KCNQ3: variants seen among roughly 807,000 people sequenced by gnomAD.
The protein encoded by KCNQ3 is potassium voltage-gated channel subfamily Q member 3, also known as potassium voltage-gated channel subfamily KQT member 3.
A neutral mutation model predicts 92.5 loss-of-function variants in KCNQ3; 30 were observed. That is an observed-to-expected ratio of 0.32 (90% confidence interval 0.24 to 0.44). The LOEUF is 0.44. Among genes scored for constraint, KCNQ3 ranks in the 20% least tolerant of loss-of-function variants. KCNQ3 has a pLI of 1.00. For synonymous variants in KCNQ3, 450 were observed against 468.8 expected (o/e 0.96, Z 0.52); for missense variants, 913 against 1,140.3 (o/e 0.80, Z 2.87).
rs1234989223 is a variant in KCNQ3, at chr8:132,465,064, GTTTCC to G, written c.386+15078_386+15082del. On this transcript the variant is annotated intron_variant, in intron 1 of 14. Coordinates refer to ENST00000388996, the MANE Select transcript of KCNQ3 (RefSeq NM_004519.4). Reference sequence around the variant, plus strand: ...AGGAATTTAAAAAAGAAATCTCAACGTTTCCTTTCGTGTTCCAGAACTGTGAAGGG... The same window carrying G: ...AGGAATTTAAAAAAGAAATCTCAACGTTTCGTGTTCCAGAACTGTGAAGGG... Among the ~76,000 whole-genome samples, 8 of 152,236 alleles carry G rather than the reference GTTTCC, an allele frequency of 5.3e-5. 1 individual carries two copies. The highest frequency in any genetic ancestry group is 1.9e-4 in the African/African-American group (8 of 41,534).
intron 5 of KCNQ3, among the ~76,000 whole-genome samples, chr8:132,175,102 G>A (rs551553760): frequency 6.6e-6 from 1 of 152,334 alleles, no homozygotes; most frequent in African/African-American, 2.4e-5. Context: ...GTAGGGTTGT[G>A]CACACACAGG....
intron 9 of KCNQ3, among the ~76,000 whole-genome samples, chr8:132,143,993 A>G (rs528804667): frequency 4.6e-5 from 7 of 152,378 alleles, no homozygotes; most frequent in Admixed American, 3.9e-4. Context: ...GACAAAATTA[A>G]TAGCAGCCAC....
chr8:132,198,715 G>GT (rs1827375864), intron 1 of KCNQ3, among the ~76,000 whole-genome samples: 1 of 152,128 alleles, frequency 6.6e-6, no homozygotes. Flanking sequence ...GCTGAGGCAG[G>GT]AGAATAGCTT....
chr8:132,391,035 G>A (rs1301066282), intron 1 of KCNQ3, among the ~76,000 whole-genome samples: 1 of 152,182 alleles, frequency 6.6e-6, no homozygotes, highest in African/African-American at 2.4e-5. Context: ...ACAGTCCAGT[G>A]ATATTCAGAA....
intron 1 of KCNQ3, among the ~76,000 whole-genome samples, chr8:132,187,787 TGGC>T (rs1251454265): frequency 2.7e-5 from 4 of 150,148 alleles, no homozygotes; most frequent in South Asian, 2.1e-4. Context: ...GTGATGGTGG[TGGC>T]GGTGGTGGTG....
At chr8:132,405,214 G>A (rs903877284) in intron 1 of KCNQ3, among the ~76,000 whole-genome samples, 2 of 152,194 alleles carry the variant, frequency 1.3e-5, no homozygotes, top group African/African-American at 2.4e-5. Context: ...TCCTCTTGAC[G>A]ATGCATGAGA....
At chr8:132,171,569 AGGTGCATGTCCAACATCCTCT>A (rs1270214812) in intron 7 of KCNQ3, among the ~76,000 whole-genome samples, 2 of 152,206 alleles carry the variant, frequency 1.3e-5, no homozygotes, top group Non-Finnish European at 2.9e-5. Context: ...GAAGGCTGGC[AGGTGCATGTCCAACATCCTCT>A]GGTCCATGGT....
intron 1 of KCNQ3, among the ~76,000 whole-genome samples, chr8:132,468,262 GGA>G (rs1203560147): frequency 1.3e-5 from 2 of 152,192 alleles, no homozygotes; most frequent in African/African-American, 2.4e-5. Flanking sequence ...ACAGGCAGAA[GGA>G]GAGAGATGAA....
At chr8:132,205,059 T>C (rs1049455168) in intron 1 of KCNQ3, among the ~76,000 whole-genome samples, 5 of 152,208 alleles carry the variant, frequency 3.3e-5, no homozygotes, top group Admixed American at 2.6e-4. Flanking sequence ...CTGAGCTTCA[T>C]TTCCAGTTGG....
chr8:132,166,533 A>G (rs983852263), intron 8 of KCNQ3, among the ~76,000 whole-genome samples: 1 of 152,138 alleles, frequency 6.6e-6, no homozygotes, highest in African/African-American at 2.4e-5. Flanking sequence ...GCCCTCAGTT[A>G]TGCCCAGCAT....
In KCNQ3 at chr8:132,289,431, C is replaced by G. The variant is rs1415705906; in HGVS notation, c.387-103250G>C. On this transcript the variant is annotated intron_variant, in intron 1 of 14. Transcript: ENST00000388996. ...TCCCTATGGAAGTCTAGGGGAGAAT[C>G]CTTCCTTGTCTCTTCCAGCTTCTGG... Among the ~76,000 whole-genome samples, 4 of 152,160 alleles carry G rather than the reference C, an allele frequency of 2.6e-5. No homozygotes were observed. The East Asian group carries it at 7.7e-4, about 29-fold the overall frequency.
At chr8:132,425,537 A>C (rs1239925897) in intron 1 of KCNQ3, among the ~76,000 whole-genome samples, 2 of 152,160 alleles carry the variant, frequency 1.3e-5, no homozygotes, top group Non-Finnish European at 2.9e-5. Flanking sequence ...TCCTCTCTTT[A>C]TTCAGTGTCA....
At chr8:132,352,483 G>C (rs1178176796) in intron 1 of KCNQ3, among the ~76,000 whole-genome samples, 1 of 152,162 alleles carries the variant, frequency 6.6e-6, no homozygotes. Context: ...CAGGAACACA[G>C]AGCAGGACTC....
chr8:132,365,939 G>A lies in KCNQ3; in HGVS notation c.386+114208C>T, dbSNP rs891609781. 1.3e-4 allele frequency among the ~76,000 whole-genome samples: 20 copies of A among 152,274 alleles called. No homozygotes were observed. In the South Asian group the frequency reaches 3.3e-3, roughly 25 times the overall value. ...CCAGCTACTCAGGAGGCTGAGGAGG[G>A]AGGATGGTTTGAGCCCATGAGGTGG... On this transcript the variant is annotated intron_variant, in intron 1 of 14. Coordinates refer to ENST00000388996, the MANE Select transcript of KCNQ3 (RefSeq NM_004519.4).
intron 1 of KCNQ3, among the ~76,000 whole-genome samples, chr8:132,230,479 G>C (rs1392617636): frequency 7.5e-6 from 1 of 132,756 alleles, no homozygotes; most frequent in African/African-American, 3.1e-5. Context: ...GAGAGAGAGA[G>C]AGAAAATCCT....
chr8:132,412,897 T>C (rs867600316), intron 1 of KCNQ3, among the ~76,000 whole-genome samples: 25 of 152,182 alleles, frequency 1.6e-4, no homozygotes, highest in African/African-American at 6.0e-4. Context: ...TAAAGCAAAG[T>C]GATAAAGCAA....
At chr8:132,465,439 G>C (rs1424228653) in intron 1 of KCNQ3, among the ~76,000 whole-genome samples, 1 of 152,020 alleles carries the variant, frequency 6.6e-6, no homozygotes. Flanking sequence ...AAAAATAGCG[G>C]GCATAGGCTG....
At chr8:132,326,930 C>T (rs1256493537) in intron 1 of KCNQ3, among the ~76,000 whole-genome samples, 1 of 152,232 alleles carries the variant, frequency 6.6e-6, no homozygotes, top group East Asian at 1.9e-4. Flanking sequence ...TACAGCAACT[C>T]TCAGTCCTCT....
At position 132,480,409 on chromosome 8, in the gene KCNQ3, T is replaced by C. The variant is rs1440264080; in HGVS notation, c.124A>G (p.Lys42Glu). ...ACGTCGCCGGGCGCCAGCCCCACTTTCCGCTCCTCGTCGCCGGCCGCCGCC... is the reference window on the plus strand; with the variant it reads ...ACGTCGCCGGGCGCCAGCCCCACTTCCCGCTCCTCGTCGCCGGCCGCCGCC... ...DAAAAGDEER[K>E]VGLAPGDVEQ... is the part of the protein sequence containing the mutation. Residue 42 changes from lysine to glutamate, a missense_variant, in exon 1 of 15, where the codon AAA (lysine) becomes GAA (glutamate). Lys to Glu is a moderately conservative substitution (Grantham distance 56). This residue lies in a region of KCNQ3 where 183 missense variants were observed against 167.7 expected (regional missense o/e 1.09). Transcript: ENST00000388996. The C allele has an allele frequency of 1.3e-6, 2 of 1,512,244 alleles. No individual in the cohort carries two copies. Among genetic ancestry groups the C allele is most frequent in the South Asian group, 1.3e-5 (1 of 79,340 alleles). The allele number at this position is 1,512,244 out of a possible 1,614,324, so 93.7% of individuals were successfully genotyped here. A position where few individuals can be genotyped will look rare whatever the true frequency, so the allele number is the denominator to read the frequency against.
Sources: gnomAD v4.1 joint callset for allele counts (sites outside exome capture counted in the v4.1 genomes callset) on GRCh38, gnomAD v4.1.1 for gene constraint, gnomAD v4.1.1 regional missense constraint, MANE v1.5 for transcripts, NCBI Gene and HGNC (gene_info 2026-07-23, HGNC 2026-07-21) for gene names.